The following SLCO5A1 variants were observed in gnomAD, a reference collection of about 807,000 sequenced individuals.
SLCO5A1 encodes solute carrier organic anion transporter family member 5A1, also known as organic anion transporter polypeptide-related protein 4.
In SLCO5A1, 39 loss-of-function variants were observed where a neutral mutation model predicts 65.1. The observed-to-expected ratio is 0.60, with a 90% CI of 0.46 to 0.78. SLCO5A1 has a LOEUF of 0.78. Ranked by LOEUF, SLCO5A1 falls within the 30% of genes least tolerant of loss-of-function variation. SLCO5A1 has a pLI of 0.00. For missense variants in SLCO5A1, 1,029 were observed against 1,069.4 expected (o/e 0.96, Z 0.53); for synonymous variants, 438 against 415.7 (o/e 1.05, Z -0.65).
chr8:69,805,173 T>C (rs951683367), intron 2 of SLCO5A1, among the ~76,000 whole-genome samples: 2 of 152,062 alleles, frequency 1.3e-5, no homozygotes, highest in Admixed American at 6.6e-5. Flanking sequence ...CAAAAGATTG[T>C]TTGACACGAG....
intron 4 of SLCO5A1, among the ~76,000 whole-genome samples, chr8:69,747,189 G>A (rs1586752648): frequency 1.3e-5 from 2 of 152,184 alleles, no homozygotes; most frequent in Non-Finnish European, 2.9e-5. Context: ...CTTAGGAAGT[G>A]TAAGTAATTT....
At chr8:69,772,858 C>T (rs1586783783) in intron 2 of SLCO5A1, 2 of 875,366 alleles carry the variant, frequency 2.3e-6, no homozygotes, top group Non-Finnish European at 2.7e-6. Context: ...ACAGGGAGGG[C>T]TCACTGCAAA....
intron 5 of SLCO5A1, among the ~76,000 whole-genome samples, chr8:69,731,859 G>A (rs1816352964): frequency 6.6e-6 from 1 of 152,074 alleles, no homozygotes; most frequent in African/African-American, 2.4e-5. Flanking sequence ...CACGTCTCAG[G>A]GGCAAGTGTC....
At chr8:69,678,236 C>T (rs1026336897) in intron 8 of SLCO5A1, among the ~76,000 whole-genome samples, 1 of 152,074 alleles carries the variant, frequency 6.6e-6, no homozygotes, top group African/African-American at 2.4e-5. Context: ...AAATTCTTAA[C>T]AGGATCCATT....
intron 2 of SLCO5A1, among the ~76,000 whole-genome samples, chr8:69,775,780 A>G: frequency 6.6e-6 from 1 of 152,078 alleles, no homozygotes; most frequent in East Asian, 1.9e-4. Context: ...TTGGGAGGCC[A>G]CGGCGGGAAG....
intron 6 of SLCO5A1, among the ~76,000 whole-genome samples, chr8:69,686,993 AT>A (rs1010044698): frequency 9.9e-5 from 15 of 152,158 alleles, no homozygotes; most frequent in African/African-American, 3.6e-4. Context: ...GGGTGAATGT[AT>A]GGCCAGTGTC....
At chr8:69,728,555 G>A (rs1816193824) in intron 5 of SLCO5A1, among the ~76,000 whole-genome samples, 1 of 152,180 alleles carries the variant, frequency 6.6e-6, no homozygotes, top group Non-Finnish European at 1.5e-5. Flanking sequence ...TTGCACATCT[G>A]CAGTAAGAAA....
chr8:69,814,809 A>C (rs1275594077), intron 2 of SLCO5A1, among the ~76,000 whole-genome samples: 1 of 151,460 alleles, frequency 6.6e-6, no homozygotes. Flanking sequence ...ATAGAAAACT[A>C]TTCCACCTTA....
intron 7 of SLCO5A1, among the ~76,000 whole-genome samples, chr8:69,680,523 G>C (rs527924163): frequency 3.3e-5 from 5 of 152,100 alleles, no homozygotes; most frequent in African/African-American, 1.2e-4. Context: ...TTTTCTTTAT[G>C]GAATTCATCA....
intron 2 of SLCO5A1, among the ~76,000 whole-genome samples, chr8:69,796,639 T>TATAC (rs1554622238): frequency 1.0e-4 from 15 of 149,714 alleles, no homozygotes; most frequent in Admixed American, 4.7e-4. Flanking sequence ...TATATATATA[T>TATAC]ACACACACAC....
At chr8:69,717,251 T>C (rs759040404) in intron 5 of SLCO5A1, among the ~76,000 whole-genome samples, 16 of 152,210 alleles carry the variant, frequency 1.1e-4, no homozygotes, top group Non-Finnish European at 1.9e-4. Context: ...AGGCTTTCGA[T>C]TTATTTTCAG....
At chr8:69,745,935 T>C (rs1816989856) in intron 4 of SLCO5A1, among the ~76,000 whole-genome samples, 1 of 152,208 alleles carries the variant, frequency 6.6e-6, no homozygotes, top group South Asian at 2.1e-4. Context: ...TTTTCTGTCA[T>C]GAACATGTAT....
At chr8:69,810,751 T>C (rs1347764892) in intron 2 of SLCO5A1, among the ~76,000 whole-genome samples, 6 of 152,252 alleles carry the variant, frequency 3.9e-5, no homozygotes. Context: ...TTACAAAGTA[T>C]AATTTGACCT....
chr8:69,746,287 C>T (rs112598965), intron 4 of SLCO5A1, among the ~76,000 whole-genome samples: 1 of 152,056 alleles, frequency 6.6e-6, no homozygotes. Context: ...TATCTCAATA[C>T]TTAAATTATT....
In SLCO5A1 at chr8:69,833,180, G is replaced by A. The variant is rs1048401513; in HGVS notation, c.-496-11C>T. 3.2e-5 allele frequency: 5 copies of A among 158,586 alleles called. No individual in the cohort carries two copies. The highest frequency in any genetic ancestry group is 6.9e-5 in the Non-Finnish European group (5 of 72,788). The allele number at this position is 158,586 out of a possible 1,614,324, so 9.8% of individuals were successfully genotyped here. ...AGTGAAGCTGCCGACCTGCAAAGCA[G>A]AAAGAGGGCGGTCAGCGAAGAGCGG... On this transcript the variant is annotated splice_polypyrimidine_tract_variant and intron_variant, in intron 1 of 9. Transcript: ENST00000260126.
rs756413662 is a variant in SLCO5A1, at chr8:69,705,197, T to C, written c.1456A>G (p.Ile486Val). 7.4e-6 allele frequency: 12 copies of C among 1,614,074 alleles called. No individual in the cohort carries two copies. In the Admixed American group the frequency reaches 2.0e-4, roughly 27 times the overall value. ...TTTATAATGTAGCCTCCGAGGACAA[T>C]ACCAACACCAGCACTGGGGACGATA... The part of the protein sequence containing the change: ...VIIVPSAGVG[I>V]VLGGYIIKKL... Residue 486 changes from isoleucine (I) to valine (V), a missense_variant, in exon 6 of 10, where the codon ATT becomes GTT. Physicochemically the swap from Ile to Val is conservative, Grantham distance 29. This residue lies in a region of SLCO5A1 where 647 missense variants were observed against 647.5 expected (regional missense o/e 1.00). Coordinates refer to ENST00000260126, the MANE Select transcript of SLCO5A1 (RefSeq NM_030958.3).
chr8:69,799,731 G>T (rs889347781), intron 2 of SLCO5A1, among the ~76,000 whole-genome samples: 1 of 152,080 alleles, frequency 6.6e-6, no homozygotes, highest in Admixed American at 6.6e-5. Context: ...GAGCAAAAGG[G>T]GGAAAAGCCC....
intron 5 of SLCO5A1, among the ~76,000 whole-genome samples, chr8:69,729,031 G>A (rs949259891): frequency 1.6e-4 from 24 of 152,170 alleles, no homozygotes; most frequent in Admixed American, 2.6e-4. Context: ...TGGAAGGTAA[G>A]TGAGTCACCT....
intron 4 of SLCO5A1, among the ~76,000 whole-genome samples, chr8:69,754,987 A>G (rs1817480423): frequency 6.6e-6 from 1 of 152,152 alleles, no homozygotes; most frequent in South Asian, 2.1e-4. Flanking sequence ...TAAACCCTCC[A>G]TGGCACAATG....
Sources: gnomAD v4.1 joint callset for allele counts (sites outside exome capture counted in the v4.1 genomes callset) on GRCh38, gnomAD v4.1.1 for gene constraint, gnomAD v4.1.1 regional missense constraint, MANE v1.5 for transcripts, NCBI Gene and HGNC (gene_info 2026-07-23, HGNC 2026-07-21) for gene names.